The following CYYR1 variants were observed in gnomAD, a reference collection of about 807,000 sequenced individuals.
CYYR1 encodes the protein cysteine and tyrosine-rich protein 1.
A neutral mutation model predicts 15.2 loss-of-function variants in CYYR1; 14 were observed. That is an observed-to-expected ratio of 0.92 (90% CI 0.61 to 1.44). The LOEUF is 1.44. CYYR1 is among the 40% of genes most tolerant of loss of function. The probability of loss-of-function intolerance (pLI) is 0.00; values close to 1 mark genes in which losing one functional copy is unlikely to be tolerated. For missense variants in CYYR1, 228 were observed against 209.5 expected (o/e 1.09, Z -0.54); for synonymous variants, 80 against 77.4 (o/e 1.03, Z -0.18).
chr21:26,566,871 T>A (rs906249655), intron 1 of CYYR1, among the ~76,000 whole-genome samples: 1 of 151,984 alleles, frequency 6.6e-6, no homozygotes, highest in African/African-American at 2.4e-5. Flanking sequence ...TAGCTGGGTG[T>A]CGTGGTGCAC....
intron 3 of CYYR1, among the ~76,000 whole-genome samples, chr21:26,475,525 A>G (rs2065091184): frequency 2.6e-5 from 4 of 152,114 alleles, no homozygotes; most frequent in Admixed American, 2.6e-4. Context: ...TTCTGTATTC[A>G]TCAGTTTCCC....
chr21:26,555,432 TAGAG>T (rs1569174942), intron 2 of CYYR1, among the ~76,000 whole-genome samples: 2 of 152,198 alleles, frequency 1.3e-5, no homozygotes, highest in Admixed American at 6.5e-5. Flanking sequence ...AAATGCAGCA[TAGAG>T]AGATATAGTT....
At chr21:26,494,326 T>C (rs1020575829) in intron 2 of CYYR1, among the ~76,000 whole-genome samples, 5 of 152,202 alleles carry the variant, frequency 3.3e-5, no homozygotes, top group African/African-American at 7.2e-5. Context: ...AATTAACCTA[T>C]ATTTATTCAC....
chr21:26,533,595 G>A (rs1266863776), intron 2 of CYYR1, among the ~76,000 whole-genome samples: 1 of 152,100 alleles, frequency 6.6e-6, no homozygotes, highest in Admixed American at 6.6e-5. Flanking sequence ...TCTTCCCCCA[G>A]TCCACGAATT....
At chr21:26,531,192 T>C (rs1362771134) in intron 2 of CYYR1, among the ~76,000 whole-genome samples, 6 of 152,156 alleles carry the variant, frequency 3.9e-5, no homozygotes, top group African/African-American at 1.4e-4. Flanking sequence ...CCTCGTCGGA[T>C]TGGTTTCACA....
chr21:26,561,593 A>G (rs889028702), intron 2 of CYYR1, among the ~76,000 whole-genome samples: 7 of 152,180 alleles, frequency 4.6e-5, no homozygotes, highest in Non-Finnish European at 1.0e-4. Context: ...ATTTAATCTC[A>G]CCAGGATCTC....
intron 2 of CYYR1, among the ~76,000 whole-genome samples, chr21:26,488,859 T>A (rs1164231652): frequency 6.6e-6 from 1 of 152,086 alleles, no homozygotes; most frequent in African/African-American, 2.4e-5. Context: ...AACATGGAGA[T>A]GCTGTATCAA....
chr21:26,488,416 A>G (rs2065282009), intron 2 of CYYR1, among the ~76,000 whole-genome samples: 1 of 151,772 alleles, frequency 6.6e-6, no homozygotes, highest in Non-Finnish European at 1.5e-5. Context: ...CACCATTACC[A>G]GCTAATTTTG....
intron 2 of CYYR1, among the ~76,000 whole-genome samples, chr21:26,504,667 A>G (rs1053886297): frequency 5.3e-5 from 8 of 152,204 alleles, no homozygotes; most frequent in Non-Finnish European, 7.3e-5. Context: ...TAATCCAATT[A>G]CATTCTTTAA....
At chr21:26,499,889 G>A (rs1012304831) in intron 2 of CYYR1, among the ~76,000 whole-genome samples, 1 of 151,352 alleles carries the variant, frequency 6.6e-6, no homozygotes, top group African/African-American at 2.4e-5. Flanking sequence ...GGAGAGAACT[G>A]GAAAGGGCTT....
chr21:26,545,379 C>G (rs1320938154), intron 2 of CYYR1, among the ~76,000 whole-genome samples: 1 of 152,038 alleles, frequency 6.6e-6, no homozygotes, highest in Non-Finnish European at 1.5e-5. Context: ...TCATCCCTGA[C>G]CATCCAGTGG....
chr21:26,535,093 A>T (rs571526203), intron 2 of CYYR1, among the ~76,000 whole-genome samples: 1 of 151,996 alleles, frequency 6.6e-6, no homozygotes, highest in Non-Finnish European at 1.5e-5. Flanking sequence ...TACACCGGGG[A>T]CTACTGTGGG....
At chr21:26,491,415 A>C (rs974443751) in intron 2 of CYYR1, among the ~76,000 whole-genome samples, 3 of 152,148 alleles carry the variant, frequency 2.0e-5, no homozygotes, top group African/African-American at 7.2e-5. Flanking sequence ...TTGAAAGTCC[A>C]TTTGTTGAGA....
chr21:26,497,903 T>C (rs2065429086), intron 2 of CYYR1, among the ~76,000 whole-genome samples: 1 of 152,216 alleles, frequency 6.6e-6, no homozygotes, highest in Non-Finnish European at 1.5e-5. Flanking sequence ...TGTGTAAATA[T>C]TGATCTTATG....
In CYYR1 at chr21:26,511,987, TACAC is replaced by T. The variant is rs61382991; in HGVS notation, c.177-31562_177-31559del. Among the ~76,000 whole-genome samples the T allele has an allele frequency of 1.2e-3, 174 of 148,188 alleles. 1 individual carries two copies. Among genetic ancestry groups the T allele is most frequent in the East Asian group, 3.8e-3 (19 of 4,980 alleles). ...AGAAATATGTCAACAATATCACACA[TACAC>T]ACACACACACACACACACACACTCT... On this transcript the variant is annotated intron_variant, in intron 2 of 3. Transcript: ENST00000652641.
At chr21:26,474,047 CGT>C (rs1491141835) in intron 3 of CYYR1, among the ~76,000 whole-genome samples, 2 of 101,410 alleles carry the variant, frequency 2.0e-5, no homozygotes, top group African/African-American at 6.7e-5. Context: ...TTTTTGTTTT[CGT>C]TTTTTTTTTT....
chr21:26,570,454 T>A (rs1329466292), intron 1 of CYYR1, among the ~76,000 whole-genome samples: 2 of 152,198 alleles, frequency 1.3e-5, no homozygotes, highest in East Asian at 3.9e-4. Context: ...CAGAAGTTAC[T>A]GGCTGAGGCC....
rs372170574 is a variant in CYYR1 at position 26,468,471 on chromosome 21, A to G, written c.*30T>C. 7.9e-6 allele frequency: 11 copies of G among 1,388,394 alleles called. No individual in the cohort carries two copies. Among genetic ancestry groups the G allele is most frequent in the Non-Finnish European group, 1.1e-5 (11 of 974,104 alleles). 86.0% of individuals were successfully genotyped at this position (1,388,394 alleles called of 1,614,324 possible). ...CATTTTATTCCAGGCAAGATCGCCC[A>G]TTGGCACATGTTCTGTTCTGGGAGA... On this transcript the variant is annotated 3_prime_UTR_variant, in exon 4 of 4. Coordinates refer to ENST00000652641, the MANE Select transcript of CYYR1 (RefSeq NM_001320768.2).
chr21:26,488,916 T>A (rs1409277011), intron 2 of CYYR1, among the ~76,000 whole-genome samples: 2 of 152,190 alleles, frequency 1.3e-5, no homozygotes, highest in South Asian at 2.1e-4. Context: ...AAAAAAATTA[T>A]TAAAGTCTCT....
Sources: allele counts gnomAD v4.1 joint callset (sites outside exome capture counted in the v4.1 genomes callset), GRCh38; gene constraint gnomAD v4.1.1; transcripts MANE v1.5; gene names NCBI Gene and HGNC (gene_info 2026-07-23, HGNC 2026-07-21).